Variants in ZFP91 observed in about 807,000 individuals in gnomAD.
ZFP91 encodes ZFP91 zinc finger protein, atypical E3 ubiquitin ligase, also known as E3 ubiquitin-protein ligase ZFP91.
Under a neutral mutation model 63.5 loss-of-function variants are expected in ZFP91, and 7 were observed. The observed-to-expected ratio is 0.11, with a 90% CI of 0.06 to 0.21. ZFP91 has a LOEUF of 0.21. Among genes scored for constraint, ZFP91 ranks in the 10% least tolerant of loss-of-function variants. ZFP91 has a pLI of 1.00. For missense variants in ZFP91, 628 were observed against 736.6 expected (o/e 0.85, Z 1.71); for synonymous variants, 330 against 272.1 (o/e 1.21, Z -2.10).
Position 58,618,850 on chromosome 11 carries a change from G to A in ZFP91, c.*1144G>A. 3.1e-6 allele frequency: 1 copy of A among 324,276 alleles called. No individual in the cohort carries two copies. The highest frequency in any genetic ancestry group is 2.6e-5 in the South Asian group (1 of 38,410). The allele number at this position is 324,276 out of a possible 1,614,324, so 20.1% of individuals were successfully genotyped here. A position where few individuals can be genotyped will look rare whatever the true frequency, so the allele number is the denominator to read the frequency against. ...TCATGGTAACTAGTATGCTCTTTGA[G>A]ATTTTTACAGTGTTGAAACTTAAGA... On this transcript the variant is annotated 3_prime_UTR_variant, in exon 11 of 11. Transcript: ENST00000316059.
intron 2 of ZFP91, among the ~76,000 whole-genome samples, chr11:58,599,009 T>G (rs1855451253): frequency 6.6e-6 from 1 of 152,074 alleles, no homozygotes; most frequent in Non-Finnish European, 1.5e-5. Context: ...TTTGTCTCTA[T>G]GGATTTACCT....
intron 2 of ZFP91, among the ~76,000 whole-genome samples, chr11:58,597,556 C>G (rs1249769076): frequency 6.6e-6 from 1 of 152,122 alleles, no homozygotes; most frequent in African/African-American, 2.4e-5. Flanking sequence ...ACATTAAATT[C>G]TTTCTTCACC....
chr11:58,616,998 CAGA>C (rs1416277468), intron 10 of ZFP91, among the ~76,000 whole-genome samples, 183 bp downstream of exon 10: 1 of 151,796 alleles, frequency 6.6e-6, no homozygotes. Context: ...TTCAGGCAAA[CAGA>C]AGAAGATCAG....
Position 58,593,719 on chromosome 11 carries a change from C to T in ZFP91, c.370+8835C>T, listed in dbSNP as rs187028659. Among the ~76,000 whole-genome samples the T allele has an allele frequency of 7.0e-4, 107 of 152,326 alleles. 1 individual carries two copies. Among genetic ancestry groups the T allele is most frequent in the African/African-American group, 2.4e-3 (99 of 41,582 alleles). ...ACTTTAGGCCTGTTGATGTTTTACT[C>T]AGCAGTAATCTCAGACTTGGTCAAA... On this transcript the variant is annotated intron_variant, in intron 2 of 10. Coordinates refer to ENST00000316059, the MANE Select transcript of ZFP91 (RefSeq NM_053023.5).
intron 8 of ZFP91, among the ~76,000 whole-genome samples, chr11:58,613,766 C>T (rs1240183046): frequency 1.3e-5 from 2 of 151,966 alleles, no homozygotes; most frequent in Admixed American, 6.6e-5. Flanking sequence ...TGGCAGGAAA[C>T]GTGAAAGTGA....
chr11:58,601,518 A>G (rs915430193), intron 2 of ZFP91, among the ~76,000 whole-genome samples: 3 of 150,866 alleles, frequency 2.0e-5, no homozygotes, highest in Admixed American at 2.0e-4. Context: ...GAACCAACTT[A>G]TTTACTTTAT....
At chr11:58,596,198 A>C (rs1420362762) in intron 2 of ZFP91, among the ~76,000 whole-genome samples, 4 of 152,212 alleles carry the variant, frequency 2.6e-5, no homozygotes, top group Non-Finnish European at 1.5e-5. Flanking sequence ...CTATTCATTA[A>C]GTGTAAGTGG....
chr11:58,584,740 A>G lies in ZFP91; in HGVS notation c.342-116A>G, dbSNP rs7945334. 3,593 of 914,554 alleles carry G rather than the reference A, an allele frequency of 3.9e-3. 89 individuals carry two copies. The African/African-American group carries it at 0.056, about 14-fold the overall frequency. 56.7% of individuals were successfully genotyped at this position (914,554 alleles called of 1,614,324 possible). On this transcript the variant is annotated intron_variant, in intron 1 of 10. Transcript: ENST00000316059. The stretch of plus-strand genomic sequence containing the variant: ...CCATCACTGCTGAAAATTCTGTAGG[A>G]CAACACTAGTCTAGATGCTTTCTTT...
intron 2 of ZFP91, among the ~76,000 whole-genome samples, chr11:58,592,631 T>C (rs994973969): frequency 6.6e-6 from 1 of 152,022 alleles, no homozygotes; most frequent in African/African-American, 2.4e-5. Flanking sequence ...AACTGTCTCA[T>C]AGAAATGTAG....
In ZFP91 at chr11:58,606,005, C is replaced by T. The variant is rs147619706; in HGVS notation, c.371-3825C>T. Among the ~76,000 whole-genome samples the T allele has an allele frequency of 3.3e-3, 501 of 152,050 alleles. 2 individuals are homozygous for T. The highest frequency in any genetic ancestry group is 7.5e-3 in the Admixed American group (114 of 15,256). On this transcript the variant is annotated intron_variant, in intron 2 of 10. Coordinates refer to ENST00000316059, the MANE Select transcript of ZFP91 (RefSeq NM_053023.5). ...CACTGATTCTTGTTTTTCAAGTCTG[C>T]GGTGAATTTTTAATTTCAGTTATTA... is the stretch of plus-strand genomic sequence containing the variant.
chr11:58,611,727 A>G lies in ZFP91; in HGVS notation c.846A>G (p.Glu282=), dbSNP rs1400948448. 5.3e-5 allele frequency: 85 copies of G among 1,606,730 alleles called. No homozygotes were observed. Among genetic ancestry groups the G allele is most frequent in the Non-Finnish European group, 7.2e-5 (85 of 1,176,674 alleles). ...AGAATGAAATTAGAGAGGATGAGGA[A>G]CCTCCAAGGAAGTGAGTAGGCAATT... The part of the protein sequence containing the change: ...EEENEIREDE[E]PPRKRGRRRK... Residue 282 remains glutamate, a synonymous_variant, in exon 6 of 11, where the codon GAA becomes GAG. Transcript: ENST00000316059.
At position 58,609,953 on chromosome 11, in the gene ZFP91, C is replaced by A. The variant is rs766243551; in HGVS notation, c.494C>A (p.Thr165Lys). The A allele has an allele frequency of 6.2e-6, 10 of 1,614,068 alleles. No homozygotes were observed. In the Middle Eastern group the frequency reaches 4.9e-4, roughly 80 times the overall value. The change falls in exon 3 of 11, where the codon ACA becomes AAA. Residue 165 changes from threonine (T) to lysine (K), a missense_variant. By Grantham distance (78) the Thr-to-Lys change is moderately conservative (BLOSUM62 -1). Transcript: ENST00000316059. ...SRTSVSRHRD[T>K]ENTRSSRSKT... is the part of the protein sequence containing the mutation. ...ACATCTGTTTCTCGCCATCGTGATA[C>A]AGAGAACACCCGAAGCTCTCGGTCC...
At chr11:58,615,503 T>C (rs1855735143) in intron 9 of ZFP91, among the ~76,000 whole-genome samples, 1 of 152,254 alleles carries the variant, frequency 6.6e-6, no homozygotes, top group Non-Finnish European at 1.5e-5. Context: ...TGTTTTACTT[T>C]TGCAAATTAG....
At position 58,581,985 on chromosome 11, in the gene ZFP91, GGTT is replaced by G. The variant is rs1222829411; in HGVS notation, c.341+2367_341+2369del. Among the ~76,000 whole-genome samples the G allele has an allele frequency of 7.2e-5, 11 of 152,254 alleles. No individual in the cohort carries two copies. The East Asian group carries it at 2.1e-3, about 29-fold the overall frequency. On this transcript the variant is annotated intron_variant, in intron 1 of 10. Coordinates refer to ENST00000316059, the MANE Select transcript of ZFP91 (RefSeq NM_053023.5). ...TATCTCTTGACTGTGTTTTTGATCA[GGTT>G]GTTAAACAAATTTTCGTCATAATAG...
intron 2 of ZFP91, among the ~76,000 whole-genome samples, chr11:58,595,724 G>A (rs139126510): frequency 1.3e-4 from 20 of 151,852 alleles, no homozygotes; most frequent in African/African-American, 1.9e-4. Context: ...ACTGGTGTGC[G>A]CCACCACCGG....
chr11:58,611,748 C>A lies in ZFP91; in HGVS notation c.857+10C>A. The A allele has an allele frequency of 6.3e-7, 1 of 1,579,314 alleles. No individual in the cohort carries two copies. The highest frequency in any genetic ancestry group is 8.6e-7 in the Non-Finnish European group (1 of 1,164,868). ...AGGAACCTCCAAGGAAGTGAGTAGG[C>A]AATTATTAAAAATGAAAATCTAACA... On this transcript the variant is annotated intron_variant, in intron 6 of 10. Transcript: ENST00000316059.
In ZFP91 at chr11:58,586,624, A is replaced by T. The variant is rs1002386669; in HGVS notation, c.370+1740A>T. Among the ~76,000 whole-genome samples, 4 of 152,196 alleles carry T rather than the reference A, an allele frequency of 2.6e-5. No homozygotes were observed. In the South Asian group the frequency reaches 6.2e-4, roughly 24 times the overall value. ...ATTAAGGTAGCTGTTCAACTCTATG[A>T]ACAGTAGATAGGTATATAAGAACTG... On this transcript the variant is annotated intron_variant, in intron 2 of 10. Coordinates refer to ENST00000316059, the MANE Select transcript of ZFP91 (RefSeq NM_053023.5).
intron 8 of ZFP91, among the ~76,000 whole-genome samples, chr11:58,613,923 A>G (rs753167411): frequency 2.6e-5 from 4 of 152,170 alleles, no homozygotes; most frequent in Non-Finnish European, 5.9e-5. Flanking sequence ...AGTACAATAC[A>G]TAATCTCTTA....
rs35866007 is a variant in ZFP91 at position 58,579,065 on chromosome 11, G to GGC, written c.-202_-201dup. ...TCCGATTGGCCCGCTGAGCGTCTGT[G>GGC]GCGCGCGCGCGCGCGCCGCCAGCGG... On this transcript the variant is annotated 5_prime_UTR_variant, in exon 1 of 11. Transcript: ENST00000316059. The GGC allele has an allele frequency of 0.17, 58,828 of 339,588 alleles. 5,065 individuals carry two copies. The highest frequency in any genetic ancestry group is 0.23 in the Middle Eastern group (299 of 1,314). The allele number at this position is 339,588 out of a possible 1,614,324, so 21.0% of individuals were successfully genotyped here.
Sources: allele counts gnomAD v4.1 joint callset (sites outside exome capture counted in the v4.1 genomes callset), GRCh38; gene constraint gnomAD v4.1.1; transcripts MANE v1.5; gene names NCBI Gene and HGNC (gene_info 2026-07-23, HGNC 2026-07-21).